RFX3: variants seen among roughly 807,000 people sequenced by gnomAD.
RFX3 encodes the protein regulatory factor X3.
A neutral mutation model predicts 98.6 loss-of-function variants in RFX3; 14 were observed. The ratio of observed to expected loss-of-function variants is 0.14; its 90% confidence interval spans 0.09 to 0.22. The LOEUF (loss-of-function observed/expected upper bound fraction) is 0.22. Ranked by LOEUF, RFX3 falls within the 10% of genes least tolerant of loss-of-function variation. The pLI is 1.00. For missense variants in RFX3, 639 were observed against 926.9 expected (o/e 0.69, Z 4.03); for synonymous variants, 383 against 328.4 (o/e 1.17, Z -1.80).
At chr9:3,363,483 A>G (rs1836693566) in intron 2 of RFX3, among the ~76,000 whole-genome samples, 2 of 152,216 alleles carry the variant, frequency 1.3e-5, no homozygotes, top group African/African-American at 4.8e-5. Context: ...CTTTCAGGGT[A>G]TAGAACTGGA....
intron 1 of RFX3, among the ~76,000 whole-genome samples, chr9:3,426,530 G>A (rs935734212): frequency 6.6e-6 from 1 of 151,960 alleles, no homozygotes; most frequent in Non-Finnish European, 1.5e-5. Context: ...AGGTGAGCAG[G>A]AGGTGAGCAG....
At chr9:3,463,063 T>A (rs1289584845) in intron 1 of RFX3, among the ~76,000 whole-genome samples, 1 of 152,084 alleles carries the variant, frequency 6.6e-6, no homozygotes, top group Admixed American at 6.6e-5. Flanking sequence ...TATGAAAATG[T>A]AGAGGACATA....
intron 1 of RFX3, among the ~76,000 whole-genome samples, chr9:3,419,493 T>C (rs911999506): frequency 6.6e-6 from 1 of 152,194 alleles, no homozygotes; most frequent in Non-Finnish European, 1.5e-5. Context: ...GGCAAACCCT[T>C]CTTACCTGGG....
chr9:3,408,867 C>T (rs1477523987), intron 1 of RFX3, among the ~76,000 whole-genome samples: 1 of 152,150 alleles, frequency 6.6e-6, no homozygotes, highest in Non-Finnish European at 1.5e-5. Flanking sequence ...AGATGGTGAT[C>T]GGGTACGATA....
chr9:3,505,373 T>A (rs1211825567), intron 1 of RFX3, among the ~76,000 whole-genome samples: 1 of 126,514 alleles, frequency 7.9e-6, no homozygotes, highest in Non-Finnish European at 1.6e-5. Flanking sequence ...AAATATAAAA[T>A]ATTTTATATT....
At chr9:3,327,124 T>A (rs1185517826) in intron 4 of RFX3, among the ~76,000 whole-genome samples, 1 of 152,130 alleles carries the variant, frequency 6.6e-6, no homozygotes, top group Non-Finnish European at 1.5e-5. Flanking sequence ...ATATACAATC[T>A]TTTCTCTGAT....
At chr9:3,318,566 CA>C (rs1475801301) in intron 4 of RFX3, among the ~76,000 whole-genome samples, 1 of 147,698 alleles carries the variant, frequency 6.8e-6, no homozygotes, top group African/African-American at 2.5e-5. Context: ...AAAAAAAGCC[CA>C]GAAAGCAAAT....
At chr9:3,364,620 A>C (rs1836833500) in intron 2 of RFX3, 3 of 165,108 alleles carry the variant, frequency 1.8e-5, no homozygotes, top group South Asian at 3.0e-4. Context: ...TCAAAATGTT[A>C]TCTGTCAAGG....
At chr9:3,256,178 G>C (rs1336132101) in intron 14 of RFX3, among the ~76,000 whole-genome samples, 3 of 151,924 alleles carry the variant, frequency 2.0e-5, no homozygotes, top group African/African-American at 7.3e-5. Context: ...TACCGTGTTA[G>C]CGAGGATGGT....
chr9:3,366,682 CTTCT>C (rs1364169617), intron 2 of RFX3, among the ~76,000 whole-genome samples: 2 of 69,968 alleles, frequency 2.9e-5, no homozygotes, highest in East Asian at 4.8e-4. Flanking sequence ...CTCTTTCTTT[CTTCT>C]TTCTTTCCTT....
chr9:3,402,424 C>T (rs149972397), intron 1 of RFX3, among the ~76,000 whole-genome samples: 3 of 151,970 alleles, frequency 2.0e-5, no homozygotes, highest in Admixed American at 6.6e-5. Context: ...CTACTTGAAC[C>T]GAATTAACCA....
rs773560486 is a variant in RFX3, at chr9:3,448,389, A to G, written c.-8-52793T>C. On this transcript the variant is annotated intron_variant, in intron 1 of 16. Coordinates refer to ENST00000617270, the MANE Select transcript of RFX3 (RefSeq NM_001282116.2). Reference sequence around the variant, plus strand: ...AAGCGGTAATTAAAAGGACCAAATAATTCCATTTCGACCTTTACATCCCCA... The same window carrying G: ...AAGCGGTAATTAAAAGGACCAAATAGTTCCATTTCGACCTTTACATCCCCA... 1.0e-3 allele frequency among the ~76,000 whole-genome samples: 159 copies of G among 152,138 alleles called. 3 individuals are homozygous for G. The highest frequency in any genetic ancestry group is 2.9e-4 in the Non-Finnish European group (20 of 68,024).
At chr9:3,408,549 C>T (rs1300479544) in intron 1 of RFX3, among the ~76,000 whole-genome samples, 2 of 151,994 alleles carry the variant, frequency 1.3e-5, no homozygotes, top group East Asian at 3.9e-4. Flanking sequence ...TGTACTACTT[C>T]ACTATTTCAA....
At chr9:3,439,268 G>C (rs1587680564) in intron 1 of RFX3, among the ~76,000 whole-genome samples, 1 of 151,884 alleles carries the variant, frequency 6.6e-6, no homozygotes, top group East Asian at 1.9e-4. Flanking sequence ...TGAGAAATCA[G>C]TACAAGAGTA....
chr9:3,418,058 T>G (rs1370253316), intron 1 of RFX3, among the ~76,000 whole-genome samples: 1 of 152,210 alleles, frequency 6.6e-6, no homozygotes, highest in East Asian at 1.9e-4. Flanking sequence ...ATTTGTAAAT[T>G]TTCTATATTT....
At chr9:3,264,463 C>A (rs1270418033) in intron 12 of RFX3, among the ~76,000 whole-genome samples, 1 of 152,042 alleles carries the variant, frequency 6.6e-6, no homozygotes, top group Non-Finnish European at 1.5e-5. Context: ...CTATTTGGAA[C>A]TTGGGGGGAA....
intron 2 of RFX3, among the ~76,000 whole-genome samples, chr9:3,392,283 G>A (rs1840395036): frequency 6.6e-6 from 1 of 150,792 alleles, no homozygotes; most frequent in African/African-American, 2.4e-5. Flanking sequence ...AAACAAAACA[G>A]AACAGAGTAC....
chr9:3,346,866 T>G, intron 2 of RFX3, 102 bp from the exon 3 acceptor site: 1 of 738,948 alleles, frequency 1.4e-6, no homozygotes, highest in Non-Finnish European at 2.4e-6. Context: ...ATTGATAAAT[T>G]TGAGAAAGAC....
At chr9:3,237,066 T>G (rs2130799102) in intron 15 of RFX3, among the ~76,000 whole-genome samples, 1 of 152,348 alleles carries the variant, frequency 6.6e-6, no homozygotes, top group South Asian at 2.1e-4. Context: ...ACATTATCCT[T>G]TCTCTCCACT....
Sources: gnomAD v4.1 joint callset for allele counts (sites outside exome capture counted in the v4.1 genomes callset) on GRCh38, gnomAD v4.1.1 for gene constraint, MANE v1.5 for transcripts, NCBI Gene and HGNC (gene_info 2026-07-23, HGNC 2026-07-21) for gene names.